The following SLC24A2 variants were observed in gnomAD, a reference collection of about 807,000 sequenced individuals.
The protein encoded by SLC24A2 is solute carrier family 24 member 2, also known as sodium/potassium/calcium exchanger 2.
In SLC24A2, 36 loss-of-function variants were observed where a neutral mutation model predicts 62.0. That is an observed-to-expected ratio of 0.58 (90% CI 0.44 to 0.77). SLC24A2 has a LOEUF of 0.77. Among genes scored for constraint, SLC24A2 ranks in the 30% least tolerant of loss-of-function variants. The probability of loss-of-function intolerance (pLI) is 0.00; values close to 1 mark genes in which losing one functional copy is unlikely to be tolerated. For missense variants in SLC24A2, 846 were observed against 817.9 expected (o/e 1.03, Z -0.42); for synonymous variants, 358 against 294.0 (o/e 1.22, Z -2.23).
chr9:19,526,559 G>A (rs989117021), intron 9 of SLC24A2, among the ~76,000 whole-genome samples: 1 of 152,054 alleles, frequency 6.6e-6, no homozygotes, highest in East Asian at 1.9e-4. Context: ...GGTGTAAAGT[G>A]GTATCTTGTT....
the SLC24A2 span, among the ~76,000 whole-genome samples, chr9:20,039,719 G>A: frequency 6.6e-6 from 1 of 152,090 alleles, no homozygotes; most frequent in Non-Finnish European, 1.5e-5. Context: ...GGATTCAGTT[G>A]TAAGAATTGG....
At chr9:19,970,858 T>G in the SLC24A2 span, among the ~76,000 whole-genome samples, 17 of 152,192 alleles carry the variant, frequency 1.1e-4, no homozygotes, top group Non-Finnish European at 1.9e-4. Flanking sequence ...CAGTCCTGAC[T>G]TGGAAGTATG....
the SLC24A2 span, among the ~76,000 whole-genome samples, chr9:20,299,723 A>G: frequency 1.3e-5 from 2 of 152,308 alleles, no homozygotes; most frequent in Non-Finnish European, 2.9e-5. Context: ...GTCACCTACT[A>G]GGCACTATGC....
the SLC24A2 span, among the ~76,000 whole-genome samples, chr9:20,115,892 C>A: frequency 6.6e-6 from 1 of 152,140 alleles, no homozygotes; most frequent in African/African-American, 2.4e-5. Context: ...AGACTAGAAT[C>A]TAATTGGGGC....
the SLC24A2 span, among the ~76,000 whole-genome samples, chr9:20,063,387 C>A: frequency 6.7e-6 from 1 of 149,818 alleles, no homozygotes; most frequent in African/African-American, 2.5e-5. Context: ...TAAACTATTG[C>A]AAGAACAAAA....
At chr9:19,621,906 A>G (rs1378397408) in intron 3 of SLC24A2, among the ~76,000 whole-genome samples, 4 of 152,222 alleles carry the variant, frequency 2.6e-5, no homozygotes, top group Non-Finnish European at 4.4e-5. Context: ...AGATACACAA[A>G]GAAAACAAAT....
At chr9:19,862,504 A>G in the SLC24A2 span, among the ~76,000 whole-genome samples, 2 of 152,150 alleles carry the variant, frequency 1.3e-5, no homozygotes, top group African/African-American at 2.4e-5. Flanking sequence ...TGAAGGTACA[A>G]ATCTCACTGG....
chr9:20,287,920 A>G, the SLC24A2 span, among the ~76,000 whole-genome samples: 2 of 152,226 alleles, frequency 1.3e-5, no homozygotes, highest in Non-Finnish European at 2.9e-5. Flanking sequence ...TAAATGCTCT[A>G]AGTCCATTTA....
the SLC24A2 span, among the ~76,000 whole-genome samples, chr9:19,916,937 TA>T: frequency 6.7e-6 from 1 of 149,540 alleles, no homozygotes; most frequent in Non-Finnish European, 1.5e-5. Context: ...TAATGAGTTA[TA>T]TGAATTCCAA....
At chr9:19,723,046 A>C (rs1564063764) in intron 2 of SLC24A2, among the ~76,000 whole-genome samples, 1 of 152,166 alleles carries the variant, frequency 6.6e-6, no homozygotes, top group Non-Finnish European at 1.5e-5. Flanking sequence ...AGCAAACAGC[A>C]CATAAAATAT....
intron 7 of SLC24A2, among the ~76,000 whole-genome samples, chr9:19,564,938 T>C (rs955750598): frequency 2.0e-5 from 3 of 152,028 alleles, no homozygotes; most frequent in African/African-American, 7.2e-5. Flanking sequence ...ATTGGCAAAA[T>C]TGAAATGTAA....
the SLC24A2 span, among the ~76,000 whole-genome samples, chr9:20,217,262 C>T: frequency 6.6e-6 from 1 of 152,094 alleles, no homozygotes; most frequent in Admixed American, 6.5e-5. Context: ...TAAAACCAGG[C>T]AAAACTGATC....
At chr9:19,909,555 T>A in the SLC24A2 span, among the ~76,000 whole-genome samples, 2 of 152,126 alleles carry the variant, frequency 1.3e-5, no homozygotes, top group Non-Finnish European at 2.9e-5. Context: ...TTTAAGGGAC[T>A]ATAAATTATG....
At chr9:19,837,570 C>A in the SLC24A2 span, among the ~76,000 whole-genome samples, 1 of 145,722 alleles carries the variant, frequency 6.9e-6, no homozygotes, top group African/African-American at 2.5e-5. Flanking sequence ...CTGGCCAGGG[C>A]AATCAGGCAG....
intron 7 of SLC24A2, among the ~76,000 whole-genome samples, chr9:19,570,353 C>T (rs1835802321): frequency 6.6e-6 from 1 of 152,192 alleles, no homozygotes; most frequent in Non-Finnish European, 1.5e-5. Flanking sequence ...CTCCGACTCA[C>T]CCATCAACAC....
At chr9:20,043,685 C>T in the SLC24A2 span, among the ~76,000 whole-genome samples, 9 of 152,168 alleles carry the variant, frequency 5.9e-5, 1 homozygote, top group African/African-American at 1.9e-4. Context: ...AAGATGGCAC[C>T]GAATGGCCAC....
chr9:19,657,138 G>A (rs962798081), intron 2 of SLC24A2, among the ~76,000 whole-genome samples: 20 of 152,194 alleles, frequency 1.3e-4, no homozygotes, highest in African/African-American at 4.6e-4. Context: ...TACTGAAGAA[G>A]AGTCCGTTTA....
chr9:20,103,817 T>G, the SLC24A2 span, among the ~76,000 whole-genome samples: 26 of 152,032 alleles, frequency 1.7e-4, no homozygotes, highest in Non-Finnish European at 3.5e-4. Flanking sequence ...GGAACGCAGT[T>G]CCTCACCAGC....
chr9:19,921,018 T>C, the SLC24A2 span, among the ~76,000 whole-genome samples: 1 of 147,008 alleles, frequency 6.8e-6, no homozygotes, highest in Non-Finnish European at 1.5e-5. Context: ...TGAGTCGATA[T>C]AAGTAACAAG....
Sources: allele counts gnomAD v4.1 joint callset (sites outside exome capture counted in the v4.1 genomes callset), GRCh38; gene constraint gnomAD v4.1.1; transcripts MANE v1.5; gene names NCBI Gene and HGNC (gene_info 2026-07-23, HGNC 2026-07-21).